Variants in KLF12 observed in about 807,000 individuals in gnomAD.
KLF12 encodes KLF transcription factor 12.
In KLF12, 9 loss-of-function variants were observed where a neutral mutation model predicts 37.8. The observed-to-expected ratio is 0.24, with a 90% CI of 0.14 to 0.42. The LOEUF (loss-of-function observed/expected upper bound fraction) is 0.42, where lower values mean the gene tolerates loss of function less well. Among genes scored for constraint, KLF12 ranks in the 10% least tolerant of loss-of-function variants. KLF12 has a pLI of 1.00. For missense variants in KLF12, 411 were observed against 516.0 expected (o/e 0.80, Z 1.97); for synonymous variants, 208 against 202.1 (o/e 1.03, Z -0.25).
Position 73,705,932 on chromosome 13 carries a change from T to A in KLF12, c.1027+9436A>T, listed in dbSNP as rs367965568. Among the ~76,000 whole-genome samples, 41 of 152,160 alleles carry A rather than the reference T, an allele frequency of 2.7e-4. 5 individuals carry two copies. The highest frequency in any genetic ancestry group is 1.7e-3 in the Admixed American group (26 of 15,290). On this transcript the variant is annotated intron_variant, in intron 7 of 7. Transcript: ENST00000377669. ...ACTTTGGGAAGCAGAGGTGGGTGGA[T>A]CACAAGGTCATGAGATCGAGACCAT...
the KLF12 span, among the ~76,000 whole-genome samples, chr13:74,276,193 T>A: frequency 6.6e-6 from 1 of 151,936 alleles, no homozygotes; most frequent in Non-Finnish European, 1.5e-5. Context: ...GTGTTCTCAT[T>A]GTTCAACTCC....
At chr13:74,252,154 C>T in the KLF12 span, among the ~76,000 whole-genome samples, 1 of 152,160 alleles carries the variant, frequency 6.6e-6, no homozygotes, top group Non-Finnish European at 1.5e-5. Flanking sequence ...TTAGTTATCC[C>T]TTAGTTGTTA....
the KLF12 span, among the ~76,000 whole-genome samples, chr13:74,179,536 T>C: frequency 6.6e-6 from 1 of 152,226 alleles, no homozygotes; most frequent in East Asian, 1.9e-4. Context: ...GGAGATGTAC[T>C]GAAAAATTAG....
the KLF12 span, among the ~76,000 whole-genome samples, chr13:74,289,750 G>C: frequency 6.6e-6 from 1 of 152,124 alleles, no homozygotes; most frequent in African/African-American, 2.4e-5. Flanking sequence ...AATAGACAGT[G>C]AAACAGAAGT....
chr13:73,956,184 A>T (rs969044240), intron 2 of KLF12, among the ~76,000 whole-genome samples: 3 of 152,220 alleles, frequency 2.0e-5, no homozygotes, highest in African/African-American at 7.2e-5. Flanking sequence ...ACTTCCTGCC[A>T]GCCTCTTAAT....
At chr13:74,089,898 T>C (rs935896506) in intron 1 of KLF12, among the ~76,000 whole-genome samples, 1 of 151,186 alleles carries the variant, frequency 6.6e-6, no homozygotes, top group Non-Finnish European at 1.5e-5. Flanking sequence ...AATACTCATG[T>C]CTGCTCTCAC....
chr13:73,721,102 CT>C (rs1177492360), intron 6 of KLF12, among the ~76,000 whole-genome samples: 1 of 152,212 alleles, frequency 6.6e-6, no homozygotes, highest in Non-Finnish European at 1.5e-5. Flanking sequence ...ATGCCTTAAG[CT>C]TCAGAGCAAC....
At chr13:73,983,442 T>A (rs940409687) in intron 2 of KLF12, among the ~76,000 whole-genome samples, 1 of 152,132 alleles carries the variant, frequency 6.6e-6, no homozygotes, top group Non-Finnish European at 1.5e-5. Flanking sequence ...TTAACTACAT[T>A]CCTGCTTATC....
intron 7 of KLF12, among the ~76,000 whole-genome samples, chr13:73,700,220 T>C (rs1874443676): frequency 6.6e-6 from 1 of 152,108 alleles, no homozygotes; most frequent in Admixed American, 6.5e-5. Flanking sequence ...TGAGCTGAGA[T>C]GGTGCTACCG....
the KLF12 span, chr13:74,257,183 C>T: frequency 1.3e-5 from 2 of 152,276 alleles, no homozygotes; most frequent in Non-Finnish European, 2.9e-5. Context: ...AACTCTCTGC[C>T]TGTACTCCAT....
chr13:73,814,692 G>A (rs1425677493), intron 4 of KLF12, among the ~76,000 whole-genome samples: 1 of 151,852 alleles, frequency 6.6e-6, no homozygotes, highest in African/African-American at 2.4e-5. Flanking sequence ...CTCAACCAAG[G>A]GCAAATTTGC....
chr13:73,774,970 T>G (rs1472224970), intron 5 of KLF12, among the ~76,000 whole-genome samples: 1 of 151,540 alleles, frequency 6.6e-6, no homozygotes, highest in Non-Finnish European at 1.5e-5. Context: ...CAGGCTGGAT[T>G]ACAATGGCAC....
In KLF12 at chr13:73,784,233, A is replaced by G. The variant is rs1019599573; in HGVS notation, c.807-19233T>C. Among the ~76,000 whole-genome samples, 4 of 152,080 alleles carry G rather than the reference A, an allele frequency of 2.6e-5. No individual in the cohort carries two copies. In the East Asian group the frequency reaches 7.7e-4, roughly 29 times the overall value. ...TTATGCATCGCTTTCTTTTCATTCTATCAACCATTGTATCAACTGTCTCTC... is the reference window on the plus strand; with the variant it reads ...TTATGCATCGCTTTCTTTTCATTCTGTCAACCATTGTATCAACTGTCTCTC... On this transcript the variant is annotated intron_variant, in intron 5 of 7. Coordinates refer to ENST00000377669, the MANE Select transcript of KLF12 (RefSeq NM_007249.5).
chr13:73,772,494 T>G (rs1009191496), intron 5 of KLF12, among the ~76,000 whole-genome samples: 6 of 152,156 alleles, frequency 3.9e-5, no homozygotes, highest in Non-Finnish European at 8.8e-5. Context: ...GAGGTACACT[T>G]TAAAGGATAC....
chr13:74,176,499 A>C, the KLF12 span, among the ~76,000 whole-genome samples: 1 of 151,860 alleles, frequency 6.6e-6, no homozygotes, highest in Admixed American at 6.6e-5. Flanking sequence ...CCCACTCCAT[A>C]CCCATGATCG....
chr13:73,698,151 CGAAA>C (rs543335195), intron 7 of KLF12, among the ~76,000 whole-genome samples: 94 of 143,970 alleles, frequency 6.5e-4, no homozygotes, highest in Non-Finnish European at 2.2e-4. Flanking sequence ...AGTATGACCC[CGAAA>C]GAAAGAAAGA....
intron 1 of KLF12, among the ~76,000 whole-genome samples, chr13:74,064,862 A>T (rs1354075170): frequency 6.6e-6 from 1 of 152,208 alleles, no homozygotes; most frequent in Non-Finnish European, 1.5e-5. Context: ...GTACTAAGTT[A>T]TCTCAGAATC....
chr13:74,133,332 A>G (rs1236966866), intron 1 of KLF12, among the ~76,000 whole-genome samples: 1 of 128,662 alleles, frequency 7.8e-6, no homozygotes, highest in Non-Finnish European at 1.6e-5. Context: ...CTCCCCCCCA[A>G]GTTCAGCCCT....
At chr13:74,224,432 C>T in the KLF12 span, among the ~76,000 whole-genome samples, 1 of 152,122 alleles carries the variant, frequency 6.6e-6, no homozygotes, top group African/African-American at 2.4e-5. Context: ...AACAATTAAG[C>T]CAGCCCATCA....
Sources: allele counts gnomAD v4.1 joint callset (sites outside exome capture counted in the v4.1 genomes callset), GRCh38; gene constraint gnomAD v4.1.1; transcripts MANE v1.5; gene names NCBI Gene and HGNC (gene_info 2026-07-23, HGNC 2026-07-21).